ADCY2: variants seen among roughly 807,000 people sequenced by gnomAD.
ADCY2 encodes the protein adenylate cyclase type 2.
In ADCY2, 31 loss-of-function variants were observed where a neutral mutation model predicts 125.2. The observed-to-expected ratio is 0.25, with a 90% CI of 0.19 to 0.33. ADCY2 has a LOEUF of 0.33. ADCY2 is among the 10% of genes least tolerant of loss of function. The pLI, the probability that ADCY2 is intolerant of heterozygous loss-of-function variation, is 1.00. For synonymous variants in ADCY2, 512 were observed against 548.4 expected, an observed-to-expected ratio of 0.93 and a Z score of 0.93; for missense variants, 904 against 1,418.2, an observed-to-expected ratio of 0.64 and a Z score of 5.82.
chr5:7,781,123 G>A (rs1316425508), intron 18 of ADCY2, among the ~76,000 whole-genome samples: 1 of 152,054 alleles, frequency 6.6e-6, no homozygotes, highest in Non-Finnish European at 1.5e-5. Flanking sequence ...ACTCAATGAC[G>A]GTGCCACCCT....
At chr5:7,494,158 C>T (rs372471340) in intron 2 of ADCY2, among the ~76,000 whole-genome samples, 6 of 152,118 alleles carry the variant, frequency 3.9e-5, no homozygotes, top group African/African-American at 1.4e-4. Flanking sequence ...TGGCAGCCCT[C>T]AGGTGCTTTT....
At chr5:7,445,514 A>G (rs974660405) in intron 2 of ADCY2, among the ~76,000 whole-genome samples, 21 of 152,222 alleles carry the variant, frequency 1.4e-4, no homozygotes, top group Non-Finnish European at 3.1e-4. Flanking sequence ...CCTCAGAAAA[A>G]AATTAAAACA....
At chr5:7,444,213 A>T (rs1741137986) in intron 2 of ADCY2, among the ~76,000 whole-genome samples, 1 of 146,548 alleles carries the variant, frequency 6.8e-6, no homozygotes, top group Non-Finnish European at 1.5e-5. Flanking sequence ...TCCCGGGTTC[A>T]CGCCATTCTC....
intron 3 of ADCY2, among the ~76,000 whole-genome samples, chr5:7,590,584 C>G (rs967581051): frequency 3.3e-5 from 5 of 150,224 alleles, no homozygotes; most frequent in African/African-American, 1.2e-4. Flanking sequence ...AAAAAAAAAG[C>G]AAGACTTTTC....
intron 4 of ADCY2, among the ~76,000 whole-genome samples, chr5:7,684,031 C>G (rs1413365277): frequency 1.3e-5 from 2 of 152,204 alleles, no homozygotes; most frequent in African/African-American, 2.4e-5. Context: ...CACCCATTCT[C>G]TCCCCAGCGT....
At chr5:7,609,160 C>T (rs1737487458) in intron 3 of ADCY2, among the ~76,000 whole-genome samples, 1 of 152,160 alleles carries the variant, frequency 6.6e-6, no homozygotes, top group Non-Finnish European at 1.5e-5. Flanking sequence ...CTTCATGTCT[C>T]TTCTGAGTAT....
chr5:7,721,772 G>C (rs948054679), intron 12 of ADCY2, among the ~76,000 whole-genome samples: 6 of 152,162 alleles, frequency 3.9e-5, no homozygotes, highest in African/African-American at 1.4e-4. Context: ...TTTTGGACCA[G>C]TACCATGCTG....
chr5:7,456,913 C>G (rs1018640861), intron 2 of ADCY2, among the ~76,000 whole-genome samples: 3 of 152,084 alleles, frequency 2.0e-5, no homozygotes, highest in African/African-American at 7.2e-5. Context: ...ATATTTTATT[C>G]TCATTCCGCT....
chr5:7,743,659 T>C lies in ADCY2; in HGVS notation c.1872-9T>C, dbSNP rs1742511665. 4 of 1,613,520 alleles carry C rather than the reference T, an allele frequency of 2.5e-6. No individual in the cohort carries two copies. The highest frequency in any genetic ancestry group is 3.4e-6 in the Non-Finnish European group (4 of 1,179,658). ...CCACCCTGACTTGCTGCTTTTTGTT[T>C]CCCGGTAGAACGTCCGTCCTGGGCA... is the stretch of plus-strand genomic sequence containing the variant. On this transcript the variant is annotated splice_polypyrimidine_tract_variant and intron_variant, in intron 14 of 24. Coordinates refer to ENST00000338316, the MANE Select transcript of ADCY2 (RefSeq NM_020546.3).
intron 15 of ADCY2, among the ~76,000 whole-genome samples, chr5:7,750,237 C>G (rs1032548585): frequency 2.0e-5 from 3 of 152,034 alleles, no homozygotes; most frequent in Admixed American, 2.0e-4. Context: ...TTTATTCTCT[C>G]TAGTGACTTG....
rs553487680 is a variant in ADCY2, at chr5:7,471,642, G to A, written c.409-49096G>A. ...TTTTAAAAGGTAAAAATATGTTTAT[G>A]ATTATATATTTTACATTTACTTTAT... On this transcript the variant is annotated intron_variant, in intron 2 of 24. Coordinates refer to ENST00000338316, the MANE Select transcript of ADCY2 (RefSeq NM_020546.3). Among the ~76,000 whole-genome samples, 5 of 151,974 alleles carry A rather than the reference G, an allele frequency of 3.3e-5. No individual in the cohort carries two copies. The East Asian group carries it at 7.7e-4, about 23-fold the overall frequency.
intron 2 of ADCY2, among the ~76,000 whole-genome samples, chr5:7,449,678 T>C (rs1010529319): frequency 1.3e-5 from 2 of 152,212 alleles, no homozygotes; most frequent in African/African-American, 4.8e-5. Context: ...ATATACAGTA[T>C]AGGCACACCT....
At chr5:7,795,919 T>C (rs865991602) in intron 20 of ADCY2, 1 of 152,180 alleles carries the variant, frequency 6.6e-6, no homozygotes, top group African/African-American at 2.4e-5. Flanking sequence ...AATGCTGACA[T>C]GGATACACAA....
At chr5:7,470,634 ATGTG>A (rs35202661) in intron 2 of ADCY2, among the ~76,000 whole-genome samples, 3,070 of 147,574 alleles carry the variant, frequency 0.021, 90 homozygotes, top group African/African-American at 0.066. Context: ...TACTGTATAT[ATGTG>A]TGTGTGTGTG....
intron 6 of ADCY2, among the ~76,000 whole-genome samples, chr5:7,696,503 G>C (rs1740898545): frequency 6.6e-6 from 1 of 152,158 alleles, no homozygotes; most frequent in African/African-American, 2.4e-5. Context: ...ACAGTTGCTG[G>C]TGGGTGGCAA....
At chr5:7,741,759 T>TC (rs1560931465) in intron 14 of ADCY2, among the ~76,000 whole-genome samples, 3 of 27,954 alleles carry the variant, frequency 1.1e-4, no homozygotes, top group South Asian at 1.5e-3. Context: ...TCACCATCCC[T>TC]ATCACTGTCA....
chr5:7,695,872 T>TATGG lies in ADCY2; in HGVS notation c.981+12_981+15dup, dbSNP rs1740873537. ...TTGATCAAATTGCAAAGGTGAGTAT[T>TATGG]ATGGATTCTTTTCTTCTCTGAAGAT... On this transcript the variant is annotated intron_variant, in intron 6 of 24. Transcript: ENST00000338316. 2 of 1,573,722 alleles carry TATGG rather than the reference T, an allele frequency of 1.3e-6. No individual in the cohort carries two copies. The highest frequency in any genetic ancestry group is 4.5e-5 in the East Asian group (2 of 44,220).
At chr5:7,513,650 T>C (rs532316447) in intron 2 of ADCY2, among the ~76,000 whole-genome samples, 1 of 152,318 alleles carries the variant, frequency 6.6e-6, no homozygotes, top group Admixed American at 6.5e-5. Flanking sequence ...GAATTCTAAA[T>C]TTCCTTGGAC....
At chr5:7,708,524 G>A (rs1420273547) in intron 9 of ADCY2, among the ~76,000 whole-genome samples, 2 of 152,148 alleles carry the variant, frequency 1.3e-5, no homozygotes, top group Non-Finnish European at 2.9e-5. Flanking sequence ...TACAGATTAA[G>A]AATCTGAAGC....
Sources: allele counts gnomAD v4.1 joint callset (sites outside exome capture counted in the v4.1 genomes callset), GRCh38; gene constraint gnomAD v4.1.1; transcripts MANE v1.5; gene names NCBI Gene and HGNC (gene_info 2026-07-23, HGNC 2026-07-21).